The following DMD variants were observed in gnomAD, a reference collection of about 807,000 sequenced individuals.
The protein encoded by DMD is mutant dystrophin.
Under a neutral mutation model 330.1 loss-of-function variants are expected in DMD, and 63 were observed. The observed-to-expected ratio is 0.19, with a 90% CI of 0.16 to 0.24. DMD has a LOEUF of 0.24. Ranked by LOEUF, DMD falls within the 10% of genes least tolerant of loss-of-function variation. The pLI, the probability that DMD is intolerant of heterozygous loss-of-function variation, is 1.00. For synonymous variants in DMD, 1,223 were observed against 959.8 expected (o/e 1.27, Z -5.07); for missense variants, 3,344 against 2,684.1 (o/e 1.25, Z -5.43).
intron 47 of DMD, among the ~76,000 whole-genome samples, chrX:31,902,836 T>TAAG (rs1165055104): frequency 8.9e-6 from 1 of 111,753 alleles, no homozygotes; most frequent in African/African-American, 3.2e-5. Flanking sequence ...TTTTCCCCTT[T>TAAG]AAGATTTTTG....
At chrX:31,909,140 A>G (rs1355892780) in intron 47 of DMD, among the ~76,000 whole-genome samples, 1 of 112,325 alleles carries the variant, frequency 8.9e-6, no homozygotes, top group Non-Finnish European at 1.9e-5. Flanking sequence ...TTCCTAATTC[A>G]TCTATCTATT....
chrX:32,789,653 A>AT (rs1316521138), intron 7 of DMD, among the ~76,000 whole-genome samples: 1 of 112,074 alleles, frequency 8.9e-6, no homozygotes, highest in Non-Finnish European at 1.9e-5. Flanking sequence ...TGTGATCTTG[A>AT]TTTTAATAAA....
chrX:31,510,588 A>G (rs1160775382), intron 55 of DMD, among the ~76,000 whole-genome samples: 1 of 103,532 alleles, frequency 9.7e-6, no homozygotes, highest in East Asian at 3.0e-4. Flanking sequence ...GCTCACTGCA[A>G]GCTCCGCCTC....
chrX:32,170,664 AGT>A (rs1466693913), intron 44 of DMD, among the ~76,000 whole-genome samples: 1 of 109,700 alleles, frequency 9.1e-6, no homozygotes, highest in Non-Finnish European at 1.9e-5. Context: ...CTTCCAGACC[AGT>A]GTTTCCCAAC....
At position 31,838,891 on chromosome X, in the gene DMD, T is replaced by C. The variant is rs183022498; in HGVS notation, c.7099-2072A>G. ...AATCCAAAGTTTATACTATTGGCAG[T>C]AGTAACAGCTACGTCTTCATATCTT... On this transcript the variant is annotated intron_variant, in intron 48 of 78. Transcript: ENST00000357033. 1.3e-3 allele frequency among the ~76,000 whole-genome samples: 148 copies of C among 111,904 alleles called. 1 individual carries two copies. The highest frequency in any genetic ancestry group is 4.4e-3 in the African/African-American group (136 of 30,841).
chrX:31,826,140 C>T (rs1381752256), intron 49 of DMD, among the ~76,000 whole-genome samples: 1 of 111,883 alleles, frequency 8.9e-6, no homozygotes, highest in Admixed American at 9.5e-5. Flanking sequence ...TTTATTAATA[C>T]ATAAACTCTA....
At chrX:31,939,120 A>G (rs1696022533) in intron 45 of DMD, among the ~76,000 whole-genome samples, 1 of 111,867 alleles carries the variant, frequency 8.9e-6, no homozygotes, top group African/African-American at 3.2e-5. Flanking sequence ...GTATAAGTTG[A>G]CCCTTCCCGA....
At chrX:32,913,829 T>TC (rs2087525360) in intron 2 of DMD, among the ~76,000 whole-genome samples, 1 of 112,126 alleles carries the variant, frequency 8.9e-6, no homozygotes, top group Non-Finnish European at 1.9e-5. Context: ...AGAGACATAT[T>TC]CCCCAGCCTC....
chrX:31,143,229 G>A (rs1213452115), intron 76 of DMD, among the ~76,000 whole-genome samples: 1 of 111,064 alleles, frequency 9.0e-6, no homozygotes, highest in Non-Finnish European at 1.9e-5. Context: ...CTGCGGGAGG[G>A]GTCCGGTGGG....
chrX:32,852,109 C>G (rs1186147172), intron 2 of DMD, among the ~76,000 whole-genome samples: 1 of 111,760 alleles, frequency 8.9e-6, no homozygotes, highest in African/African-American at 3.3e-5. Flanking sequence ...AACAGTGCAG[C>G]TGACAGCTTT....
intron 56 of DMD, among the ~76,000 whole-genome samples, chrX:31,500,695 A>G (rs1361025853): frequency 8.9e-6 from 1 of 111,794 alleles, no homozygotes; most frequent in South Asian, 3.7e-4. Context: ...TTTTCTGGTT[A>G]TATCATACAT....
At chrX:31,227,495 C>T (rs1178190199) in intron 63 of DMD, among the ~76,000 whole-genome samples, 1 of 111,943 alleles carries the variant, frequency 8.9e-6, no homozygotes, top group Admixed American at 9.5e-5. Flanking sequence ...AATCCATTCT[C>T]AAACAGTGAT....
intron 7 of DMD, among the ~76,000 whole-genome samples, chrX:32,747,536 A>G (rs1409547345): frequency 1.8e-5 from 2 of 112,258 alleles, no homozygotes; most frequent in Non-Finnish European, 3.8e-5. Context: ...GCTCGAGTGC[A>G]GTGGCATGAT....
intron 43 of DMD, among the ~76,000 whole-genome samples, chrX:32,230,977 T>C (rs745889197): frequency 8.9e-6 from 1 of 112,357 alleles, no homozygotes; most frequent in South Asian, 3.7e-4. Flanking sequence ...GAGGAAAATA[T>C]GTATAACTGA....
intron 60 of DMD, among the ~76,000 whole-genome samples, chrX:31,433,460 C>A (rs777654417): frequency 2.7e-4 from 26 of 98,016 alleles, no homozygotes; most frequent in Non-Finnish European, 3.9e-4. Flanking sequence ...TTCTTTCTTT[C>A]TTTTTTTTTT....
intron 53 of DMD, among the ~76,000 whole-genome samples, chrX:31,663,408 G>A (rs1225392502): frequency 9.0e-6 from 1 of 111,225 alleles, no homozygotes; most frequent in Admixed American, 9.6e-5. Context: ...CATTCCTATG[G>A]AGGAGCCAGT....
intron 44 of DMD, among the ~76,000 whole-genome samples, chrX:32,024,508 A>AAAT (rs1397758849): frequency 4.9e-5 from 5 of 102,176 alleles, no homozygotes; most frequent in African/African-American, 1.5e-4. Flanking sequence ...AAAAAAAAAA[A>AAAT]GTATGAAACA....
chrX:32,717,596 C>A (rs1261404637), intron 7 of DMD, among the ~76,000 whole-genome samples: 1 of 111,738 alleles, frequency 8.9e-6, no homozygotes, highest in African/African-American at 3.3e-5. Flanking sequence ...GGGGTTAGAG[C>A]TCTCACACAG....
At chrX:32,490,312 T>C (rs991372746) in intron 20 of DMD, among the ~76,000 whole-genome samples, 1 of 112,014 alleles carries the variant, frequency 8.9e-6, no homozygotes, top group Non-Finnish European at 1.9e-5. Context: ...ACATAGCTCA[T>C]AGTAACAATG....
Sources: allele counts gnomAD v4.1 joint callset (sites outside exome capture counted in the v4.1 genomes callset), GRCh38; gene constraint gnomAD v4.1.1; transcripts MANE v1.5; gene names NCBI Gene and HGNC (gene_info 2026-07-23, HGNC 2026-07-21).